LDHD: variants seen among roughly 807,000 people sequenced by gnomAD.
The protein encoded by LDHD is lactate dehydrogenase D, also known as D-lactate dehydrogenase, mitochondrial.
LDHD carries 58 observed loss-of-function variants against 52.9 expected under a neutral mutation model. The observed-to-expected ratio is 1.10, with a 90% CI of 0.89 to 1.36. The LOEUF is 1.36. Ranked by LOEUF, LDHD falls within the 40% of genes most tolerant of loss-of-function variation. The probability of loss-of-function intolerance (pLI) is 0.00; values close to 1 mark genes in which losing one functional copy is unlikely to be tolerated. For missense variants in LDHD, 747 were observed against 668.0 expected (o/e 1.12, Z -1.30); for synonymous variants, 350 against 288.6 (o/e 1.21, Z -2.16).
At position 75,114,581 on chromosome 16, in the gene LDHD, C is replaced by T; in HGVS notation, c.574G>A (p.Val192Met). The T allele has an allele frequency of 2.6e-6, 4 of 1,533,490 alleles. No individual in the cohort carries two copies. The highest frequency in any genetic ancestry group is 1.2e-5 in the South Asian group (1 of 83,988). The allele number at this position is 1,533,490 out of a possible 1,614,324, so 95.0% of individuals were successfully genotyped here. A position where few individuals can be genotyped will look rare whatever the true frequency, so the allele number is the denominator to read the frequency against. ...TMRDNVLNLE[V>M]VLPDGRLLHT... ...AGCAGCCGCCCGTCGGGCAGCACCACCTCCAGGTTGAGCACGTTGTCCCGC... is the reference window on the plus strand; with the variant it reads ...AGCAGCCGCCCGTCGGGCAGCACCATCTCCAGGTTGAGCACGTTGTCCCGC... Residue 192 changes from valine to methionine, a missense_variant, in exon 5 of 11, where the codon GTG (valine) becomes ATG (methionine). Physicochemically the swap from Val to Met is conservative, Grantham distance 21 (BLOSUM62 1). Transcript: ENST00000450168.
chr16:75,112,774 C>T (rs192312810), intron 9 of LDHD, 60 bp downstream of exon 9: 2 of 1,600,484 alleles, frequency 1.2e-6, no homozygotes, highest in African/African-American at 2.7e-5. Context: ...TCCTGCTGCC[C>T]CAGGCTCTGA....
At position 75,113,972 on chromosome 16, in the gene LDHD, G is replaced by A. The variant is rs772928728; in HGVS notation, c.823C>T (p.Arg275Cys). The A allele has an allele frequency of 1.0e-5, 16 of 1,598,824 alleles. No individual in the cohort carries two copies. The highest frequency in any genetic ancestry group is 1.7e-4 in the Middle Eastern group (1 of 6,018). ...GCCCCCATCCTCAGCTCACCAATGCGGGCTACGGGCACTGCAGCCTGGAGG... is the reference window on the plus strand; with the variant it reads ...GCCCCCATCCTCAGCTCACCAATGCAGGCTACGGGCACTGCAGCCTGGAGG... ...HILQAAVPVA[R>C]IEFLDEVMMD... The change falls in exon 6 of 11, where the codon CGC becomes TGC. Residue 275 changes from arginine (R) to cysteine (C), a missense_variant. Coordinates refer to ENST00000450168, the MANE Select transcript of LDHD (RefSeq NM_194436.3).
rs763055920 is a variant in LDHD, at chr16:75,112,656, G to C, written c.1235C>G (p.Pro412Arg). The C allele has an allele frequency of 6.2e-7, 1 of 1,614,162 alleles. No individual in the cohort carries two copies. Among genetic ancestry groups the C allele is most frequent in the South Asian group, 1.1e-5 (1 of 91,084 alleles). The change falls in exon 10 of 11, where the codon CCT becomes CGT. Residue 412 changes from proline (P) to arginine (R), a missense_variant. Physicochemically the swap from Pro to Arg is moderately radical, Grantham distance 103. Transcript: ENST00000450168. ...GNFHCILLVN[P>R]DDAEELGRVK... ...CCTGCCCAGTTCCTCGGCGTCATCAGGGTTGACCAGCAGGATGCAGTGGAA... is the reference window on the plus strand; with the variant it reads ...CCTGCCCAGTTCCTCGGCGTCATCACGGTTGACCAGCAGGATGCAGTGGAA...
chr16:75,113,901 G>C lies in LDHD; in HGVS notation c.830-31C>G, dbSNP rs763112852. On this transcript the variant is annotated intron_variant, in intron 6 of 10. Coordinates refer to ENST00000450168, the MANE Select transcript of LDHD (RefSeq NM_194436.3). Reference sequence around the variant, plus strand: ...TCCAGGGAGATGGCAGGCCAGGTGAGGCCTGGCCTTCCCAGGGGGCCTCTT... The same window carrying C: ...TCCAGGGAGATGGCAGGCCAGGTGACGCCTGGCCTTCCCAGGGGGCCTCTT... 1.6e-5 allele frequency: 26 copies of C among 1,612,594 alleles called. No individual in the cohort carries two copies. The South Asian group carries it at 2.2e-4, about 14-fold the overall frequency.
At position 75,112,703 on chromosome 16, in the gene LDHD, G is replaced by A. The variant is rs368682072; in HGVS notation, c.1188C>T (p.Val396=). 8.4e-5 allele frequency: 135 copies of A among 1,613,664 alleles called. No individual in the cohort carries two copies. The highest frequency in any genetic ancestry group is 1.0e-4 in the Non-Finnish European group (119 of 1,179,782). Residue 396 remains valine, a synonymous_variant, in exon 10 of 11, where the codon GTC becomes GTT. Coordinates refer to ENST00000450168, the MANE Select transcript of LDHD (RefSeq NM_194436.3). ...LNASGLTGSI[V]GHVGDGNFHC... The stretch of plus-strand genomic sequence containing the variant: ...GGAAGTTGCCGTCACCCACATGCCC[G>A]ACAATGCTTCCTGGGGGCCCAGAGG...
At position 75,114,897 on chromosome 16, in the gene LDHD, C is replaced by G. The variant is rs777565802; in HGVS notation, c.399G>C (p.Val133=). 17 of 1,613,926 alleles carry G rather than the reference C, an allele frequency of 1.1e-5. No homozygotes were observed. The highest frequency in any genetic ancestry group is 1.4e-5 in the Non-Finnish European group (16 of 1,180,010). The change falls in exon 4 of 11, where the codon GTG becomes GTC. Residue 133 remains valine, a synonymous_variant. Transcript: ENST00000450168. ...LELNQEDFSV[V]VEPGVTRKAL... ...CTTTGCGGGTGACACCTGGCTCCACCACCACAGAGAAGTCCTCCTGGTTCA... is the reference window on the plus strand; with the variant it reads ...CTTTGCGGGTGACACCTGGCTCCACGACCACAGAGAAGTCCTCCTGGTTCA...
At chr16:75,116,581 G>C (rs764402099) in intron 1 of LDHD, 68 bp downstream of exon 1, 25 of 1,360,222 alleles carry the variant, frequency 1.8e-5, no homozygotes, top group Non-Finnish European at 2.5e-5. Flanking sequence ...AGGAAACTTG[G>C]GATCAGAACC....
chr16:75,113,360 G>A (rs528999717), intron 8 of LDHD, among the ~76,000 whole-genome samples, 175 bp downstream of exon 8: 16 of 152,342 alleles, frequency 1.1e-4, no homozygotes, highest in African/African-American at 3.4e-4. Flanking sequence ...CCCTGTAGAC[G>A]GTATCTGAAC....
At position 75,114,946 on chromosome 16, in the gene LDHD, G is replaced by C. The variant is rs149382667; in HGVS notation, c.350C>G (p.Thr117Arg). The C allele has an allele frequency of 9.9e-6, 16 of 1,613,438 alleles. No homozygotes were observed. The highest frequency in any genetic ancestry group is 1.4e-5 in the Non-Finnish European group (16 of 1,179,782). The change falls in exon 4 of 11, where the codon ACG (threonine) becomes AGG (arginine). Residue 117 changes from threonine (T) to arginine (R), a missense_variant. Physicochemically the swap from Thr to Arg is moderately conservative, Grantham distance 71. Coordinates refer to ENST00000450168, the MANE Select transcript of LDHD (RefSeq NM_194436.3). The part of the protein sequence containing the change: ...AVQGGVCVNL[T>R]HMDRILELNQ... ...CAGCTCCAGGATTCGGTCCATATGC[G>C]TCAGGTTAACGCAGACGCCGCCCTG...
At chr16:75,115,366 C>T (rs377255430) in intron 2 of LDHD, 27 bp from the exon 3 acceptor site, 13 of 1,611,852 alleles carry the variant, frequency 8.1e-6, no homozygotes, top group Admixed American at 1.7e-5. Flanking sequence ...AGCGATTTAG[C>T]GGGGCGTGAC....
At position 75,113,742 on chromosome 16, in the gene LDHD, C is replaced by T. The variant is rs551380637; in HGVS notation, c.958G>A (p.Glu320Lys). 6.2e-7 allele frequency: 1 copy of T among 1,613,702 alleles called. No homozygotes were observed. Among genetic ancestry groups the T allele is most frequent in the African/African-American group, 1.3e-5 (1 of 75,014 alleles). Residue 320 changes from glutamate (E) to lysine (K), a missense_variant and splice_region_variant, in exon 7 of 11, where the codon GAG (glutamate) becomes AAG (lysine). Coordinates refer to ENST00000450168, the MANE Select transcript of LDHD (RefSeq NM_194436.3). ...GCTGCCCCACTCCACCCCAGCATAC[C>T]TGTGCGCTGCAGCTGCTCCTCCAGT... Reference protein sequence around the residue: ...QALEEQLQRTEEIVQQNGASD... With the variant: ...QALEEQLQRTKEIVQQNGASD...
chr16:75,115,179 C>T lies in LDHD; in HGVS notation c.327+19G>A, dbSNP rs763491652. 6 of 1,605,652 alleles carry T rather than the reference C, an allele frequency of 3.7e-6. No individual in the cohort carries two copies. Among genetic ancestry groups the T allele is most frequent in the Admixed American group, 1.7e-5 (1 of 59,868 alleles). ...GTGCTGGGACCATCCTCGGGCCGGG[C>T]GAGGGAGCCCCACTGTACCTGCACA... On this transcript the variant is annotated intron_variant, in intron 3 of 10. Transcript: ENST00000450168.
At position 75,115,579 on chromosome 16, in the gene LDHD, C is replaced by G. The variant is rs1412414636; in HGVS notation, c.154G>C (p.Glu52Gln). The G allele has an allele frequency of 6.2e-7, 1 of 1,612,908 alleles. No individual in the cohort carries two copies. The highest frequency in any genetic ancestry group is 8.5e-7 in the Non-Finnish European group (1 of 1,179,974). The change falls in exon 2 of 11, where the codon GAG becomes CAG. Residue 52 changes from glutamate (E) to glutamine (Q), a missense_variant. Transcript: ENST00000450168. ...SHVSTAAVVR[E>Q]QHGRDESVHR... ...ACCGACTCATCGCGCCCGTGCTGCTCTCGGACCACCGCGGCAGTGGACACG... is the reference window on the plus strand; with the variant it reads ...ACCGACTCATCGCGCCCGTGCTGCTGTCGGACCACCGCGGCAGTGGACACG...
chr16:75,112,600 A>T lies in LDHD; in HGVS notation c.1289+2T>A, dbSNP rs1259603854. 4 of 1,613,830 alleles carry T rather than the reference A, an allele frequency of 2.5e-6. No homozygotes were observed. The highest frequency in any genetic ancestry group is 3.4e-6 in the Non-Finnish European group (4 of 1,179,998). On this transcript the variant is annotated splice_donor_variant, in intron 10 of 10. Coordinates refer to ENST00000450168, the MANE Select transcript of LDHD (RefSeq NM_194436.3). LOFTEE classifies it high-confidence loss of function. ...TCTTCCCCTCCCTGGCTTTGCTCCT[A>T]CCTGCCCAGCTGTTCTGCAAAAGCC...
At position 75,113,980 on chromosome 16, in the gene LDHD, G is replaced by C. The variant is rs769862449; in HGVS notation, c.815C>G (p.Pro272Arg). The stretch of plus-strand genomic sequence containing the variant: ...CCTCAGCTCACCAATGCGGGCTACG[G>C]GCACTGCAGCCTGGAGGATGTGTAC... ...STVHILQAAV[P>R]VARIEFLDEV... Residue 272 changes from proline (P) to arginine (R), a missense_variant, in exon 6 of 11, where the codon CCC becomes CGC. Physicochemically the swap from Pro to Arg is moderately radical, Grantham distance 103. Coordinates refer to ENST00000450168, the MANE Select transcript of LDHD (RefSeq NM_194436.3). The C allele has an allele frequency of 2.3e-5, 37 of 1,599,346 alleles. No individual in the cohort carries two copies. The African/African-American group carries it at 4.5e-4, about 20-fold the overall frequency.
intron 3 of LDHD, 60 bp downstream of exon 3, chr16:75,115,138 A>G (rs889182714): frequency 9.0e-6 from 14 of 1,554,438 alleles, no homozygotes; most frequent in Non-Finnish European, 1.1e-5. Context: ...GGAGGCAGCC[A>G]CAGGTGTGCC....
intron 3 of LDHD, 102 bp from the exon 4 acceptor site, chr16:75,115,070 C>T: frequency 1.3e-6 from 2 of 1,538,620 alleles, no homozygotes; most frequent in Non-Finnish European, 1.8e-6. Context: ...CCAGACCAGA[C>T]CCCCAGAGGC....
intron 1 of LDHD, 34 bp from the exon 2 acceptor site, chr16:75,115,694 G>A (rs535642575): frequency 3.6e-6 from 5 of 1,372,414 alleles, no homozygotes; most frequent in Admixed American, 4.0e-5. Flanking sequence ...AGGGTCCCCC[G>A]AAAGACACAT....
chr16:75,116,493 C>T (rs1014370230), intron 1 of LDHD, 156 bp downstream of exon 1: 3 of 611,790 alleles, frequency 4.9e-6, no homozygotes, highest in Non-Finnish European at 8.6e-6. Flanking sequence ...TCTACACCCA[C>T]CCACAGTTGC....
Sources: allele counts gnomAD v4.1 joint callset (sites outside exome capture counted in the v4.1 genomes callset), GRCh38; gene constraint gnomAD v4.1.1; transcripts MANE v1.5; gene names NCBI Gene and HGNC (gene_info 2026-07-23, HGNC 2026-07-21).